The following STXBP5 variants were observed in gnomAD, a reference collection of about 807,000 sequenced individuals.
The protein encoded by STXBP5 is syntaxin-binding protein 5.
STXBP5 carries 50 observed loss-of-function variants against 152.4 expected under a neutral mutation model. That is an observed-to-expected ratio of 0.33 (90% CI 0.26 to 0.42). The LOEUF (loss-of-function observed/expected upper bound fraction) is 0.42. Ranked by LOEUF, STXBP5 falls within the 10% of genes least tolerant of loss-of-function variation. STXBP5 has a pLI of 1.00. For missense variants in STXBP5, 1,167 were observed against 1,388.6 expected, an observed-to-expected ratio of 0.84 and a Z score of 2.54; for synonymous variants, 492 against 494.7, an observed-to-expected ratio of 0.99 and a Z score of 0.07.
intron 16 of STXBP5, 100 bp downstream of exon 16, chr6:147,316,507 A>C (rs1782654135): frequency 1.2e-5 from 13 of 1,077,644 alleles, no homozygotes; most frequent in Non-Finnish European, 1.6e-5. Flanking sequence ...TTGATATAGC[A>C]AAATGGCATA....
chr6:147,266,944 AT>A (rs1779924422), intron 6 of STXBP5, 139 bp from the exon 7 acceptor site: 5 of 695,554 alleles, frequency 7.2e-6, no homozygotes, highest in Non-Finnish European at 7.3e-6. Context: ...GTGATTACTA[AT>A]TAGCAATGCA....
intron 9 of STXBP5, among the ~76,000 whole-genome samples, chr6:147,296,575 G>A (rs1781536606): frequency 1.3e-5 from 2 of 152,072 alleles, no homozygotes; most frequent in Admixed American, 6.6e-5. Context: ...ATATGAAAAA[G>A]CAAGGAAACA....
At chr6:147,365,461 TCACACTTTTCTGG>T (rs1195282896) in intron 25 of STXBP5, among the ~76,000 whole-genome samples, 12 of 152,340 alleles carry the variant, frequency 7.9e-5, no homozygotes, top group Non-Finnish European at 1.6e-4. Context: ...AATCTAAACT[TCACACTTTTCTGG>T]GATCAATTTA....
At chr6:147,328,243 C>T (rs1352637532) in intron 18 of STXBP5, among the ~76,000 whole-genome samples, 1 of 152,176 alleles carries the variant, frequency 6.6e-6, no homozygotes, top group East Asian at 1.9e-4. Flanking sequence ...AATGAGACTT[C>T]CAGTTGTAAC....
At chr6:147,249,354 G>A (rs1778974476) in intron 4 of STXBP5, among the ~76,000 whole-genome samples, 1 of 152,128 alleles carries the variant, frequency 6.6e-6, no homozygotes, top group Non-Finnish European at 1.5e-5. Flanking sequence ...ACTTCGCAGT[G>A]AGTAGAACCT....
chr6:147,365,805 A>T (rs1234194788), intron 25 of STXBP5, among the ~76,000 whole-genome samples: 1 of 152,172 alleles, frequency 6.6e-6, no homozygotes, highest in African/African-American at 2.4e-5. Flanking sequence ...ACCCTTTTAC[A>T]TTGTGCATTC....
intron 7 of STXBP5, among the ~76,000 whole-genome samples, chr6:147,269,640 G>C (rs1270040923): frequency 6.6e-6 from 1 of 152,044 alleles, no homozygotes; most frequent in African/African-American, 2.4e-5. Flanking sequence ...ATGAAAGTAT[G>C]AACATGTTGA....
chr6:147,326,320 T>C (rs1033019196), intron 17 of STXBP5, among the ~76,000 whole-genome samples: 1 of 152,196 alleles, frequency 6.6e-6, no homozygotes, highest in African/African-American at 2.4e-5. Flanking sequence ...AGGCTTACAG[T>C]TGTATTTTGT....
intron 16 of STXBP5, among the ~76,000 whole-genome samples, chr6:147,318,139 A>G (rs1210619550): frequency 6.6e-6 from 1 of 152,206 alleles, no homozygotes; most frequent in Non-Finnish European, 1.5e-5. Flanking sequence ...AGTATAAAAC[A>G]TTAAATTCTT....
At chr6:147,350,781 TAAC>T (rs1582982936) in intron 21 of STXBP5, among the ~76,000 whole-genome samples, 1 of 152,292 alleles carries the variant, frequency 6.6e-6, no homozygotes, top group East Asian at 1.9e-4. Flanking sequence ...CAATAAATAA[TAAC>T]ATTTATTAAA....
intron 8 of STXBP5, among the ~76,000 whole-genome samples, chr6:147,286,628 T>A (rs1780976013): frequency 6.6e-6 from 1 of 152,180 alleles, no homozygotes; most frequent in African/African-American, 2.4e-5. Flanking sequence ...AAATAATTAA[T>A]GTAATAAATG....
At chr6:147,224,871 A>G (rs957637852) in intron 2 of STXBP5, among the ~76,000 whole-genome samples, 1 of 152,188 alleles carries the variant, frequency 6.6e-6, no homozygotes, top group African/African-American at 2.4e-5. Flanking sequence ...ATCCCATTAC[A>G]GTGGTATTTA....
Position 147,260,709 on chromosome 6 carries a change from C to T in STXBP5, c.526C>T (p.Leu176Phe). Reference protein sequence around the residue: ...IHIVNVESFTLSGYVIMWNKA... With the variant: ...IHIVNVESFTFSGYVIMWNKA... ...TATTGTCAATGTGGAGTCCTTCACA[C>T]TCTCAGGCTACGTCATTATGTGGAA... is the stretch of plus-strand genomic sequence containing the variant. Residue 176 changes from leucine to phenylalanine, a missense_variant, in exon 5 of 28, where the codon CTC (leucine) becomes TTC (phenylalanine). By Grantham distance (22) the Leu-to-Phe change is conservative (BLOSUM62 0). Around this residue, in one of 3 missense-constraint regions of STXBP5, gnomAD observed 310 missense variants for 346.1 expected, o/e 0.90. Transcript: ENST00000321680. The T allele has an allele frequency of 3.1e-6, 5 of 1,613,652 alleles. No individual in the cohort carries two copies. Among genetic ancestry groups the T allele is most frequent in the East Asian group, 2.2e-5 (1 of 44,848 alleles).
chr6:147,267,977 A>G (rs769354607), intron 7 of STXBP5, among the ~76,000 whole-genome samples: 11 of 152,102 alleles, frequency 7.2e-5, no homozygotes, highest in Non-Finnish European at 1.2e-4. Flanking sequence ...CTTATCTGCT[A>G]TTTGTTTATA....
rs1449328741 is a variant in STXBP5 at position 147,235,242 on chromosome 6, A to G, written c.249-8A>G. On this transcript the variant is annotated splice_region_variant and splice_polypyrimidine_tract_variant and intron_variant, in intron 2 of 27. Transcript: ENST00000321680. ...ATACCATAAACTCCTTAATGGAATT[A>G]ATTACAGCTTTGGTCGTCCAGGAGT... The G allele has an allele frequency of 6.2e-7, 1 of 1,612,856 alleles. No homozygotes were observed. The highest frequency in any genetic ancestry group is 2.2e-5 in the East Asian group (1 of 44,814).
At chr6:147,309,834 A>T (rs1782275451) in intron 9 of STXBP5, among the ~76,000 whole-genome samples, 1 of 152,090 alleles carries the variant, frequency 6.6e-6, no homozygotes. Context: ...TTTATTTAGG[A>T]GATAAAGTTT....
intron 3 of STXBP5, among the ~76,000 whole-genome samples, chr6:147,236,550 T>C (rs915120515): frequency 6.6e-6 from 1 of 151,776 alleles, no homozygotes; most frequent in African/African-American, 2.4e-5. Flanking sequence ...TTAACTAGAC[T>C]ATAGACCTTT....
chr6:147,217,111 GCT>G lies in STXBP5; in HGVS notation c.248+11048_248+11049del, dbSNP rs1427888626. ...GCAGTACCTCTGCTGTTTCACAGCA[GCT>G]CTCTGTCAAAGGTGACTATAAATCT... is the stretch of plus-strand genomic sequence containing the variant. On this transcript the variant is annotated intron_variant, in intron 2 of 27. Coordinates refer to ENST00000321680, the MANE Select transcript of STXBP5 (RefSeq NM_001127715.4). Among the ~76,000 whole-genome samples, 8 of 152,172 alleles carry G rather than the reference GCT, an allele frequency of 5.3e-5. No homozygotes were observed. In the South Asian group the frequency reaches 1.2e-3, roughly 24 times the overall value.
chr6:147,290,685 G>T (rs2068111), intron 8 of STXBP5, among the ~76,000 whole-genome samples: 4 of 151,928 alleles, frequency 2.6e-5, no homozygotes, highest in Admixed American at 6.5e-5. Flanking sequence ...TATTAGCATA[G>T]GGCTTAATAT....
Sources: allele counts gnomAD v4.1 joint callset (sites outside exome capture counted in the v4.1 genomes callset), GRCh38; gene constraint gnomAD v4.1.1; regional missense constraint gnomAD v4.1.1; transcripts MANE v1.5; gene names NCBI Gene and HGNC (gene_info 2026-07-23, HGNC 2026-07-21).